The following EPHA6 variants were observed in gnomAD, a reference collection of about 807,000 sequenced individuals.
EPHA6 encodes ephrin type-A receptor 6.
A neutral mutation model predicts 112.0 loss-of-function variants in EPHA6; 50 were observed. That is an observed-to-expected ratio of 0.45 (90% CI 0.36 to 0.56). The LOEUF is 0.56. Among genes scored for constraint, EPHA6 ranks in the 20% least tolerant of loss-of-function variants. The pLI, the probability that EPHA6 is intolerant of heterozygous loss-of-function variation, is 0.00. For synonymous variants in EPHA6, 529 were observed against 490.7 expected, an observed-to-expected ratio of 1.08 and a Z score of -1.03; for missense variants, 1,280 against 1,417.4, an observed-to-expected ratio of 0.90 and a Z score of 1.56.
chr3:97,256,014 A>G (rs2079298968), intron 5 of EPHA6, among the ~76,000 whole-genome samples: 1 of 152,110 alleles, frequency 6.6e-6, no homozygotes, highest in Non-Finnish European at 1.5e-5. Context: ...AAAAACAATC[A>G]AAATGCATTA....
intron 3 of EPHA6, among the ~76,000 whole-genome samples, chr3:97,000,953 A>T (rs992989617): frequency 7.0e-6 from 1 of 143,090 alleles, no homozygotes; most frequent in Non-Finnish European, 1.5e-5. Context: ...TTTTGATCTG[A>T]AAGATTAAAG....
intron 5 of EPHA6, among the ~76,000 whole-genome samples, chr3:97,323,200 G>T (rs1015261652): frequency 4.0e-5 from 6 of 151,098 alleles, no homozygotes; most frequent in East Asian, 3.9e-4. Flanking sequence ...TAATGAACTG[G>T]TTTTTTTTTA....
intron 1 of EPHA6, among the ~76,000 whole-genome samples, chr3:96,836,169 C>A (rs2034397664): frequency 6.6e-6 from 1 of 152,070 alleles, no homozygotes; most frequent in African/African-American, 2.4e-5. Flanking sequence ...ATCACAAAAT[C>A]ACTTTTCTTG....
At chr3:97,533,225 T>C (rs2092715495) in intron 11 of EPHA6, among the ~76,000 whole-genome samples, 1 of 152,054 alleles carries the variant, frequency 6.6e-6, no homozygotes, top group African/African-American at 2.4e-5. Context: ...CACTAAGAAT[T>C]ATTATATATA....
rs371524293 is a variant in EPHA6, at chr3:96,814,598, C to T, written c.-26C>T. ...CTCTCTCCGGCCCAAGTGAATAGTC[C>T]TCGCGCAAGCGGGACACTGTGGTGG... On this transcript the variant is annotated 5_prime_UTR_variant, in exon 1 of 18. Coordinates refer to ENST00000389672, the MANE Select transcript of EPHA6 (RefSeq NM_001080448.3). The T allele has an allele frequency of 3.6e-6, 5 of 1,378,148 alleles. No individual in the cohort carries two copies. Among genetic ancestry groups the T allele is most frequent in the Non-Finnish European group, 4.7e-6 (5 of 1,063,672 alleles). 85.4% of individuals were successfully genotyped at this position (1,378,148 alleles called of 1,614,324 possible). A position where few individuals can be genotyped will look rare whatever the true frequency, so the allele number is the denominator to read the frequency against.
chr3:96,825,599 A>G (rs982369749), intron 1 of EPHA6, among the ~76,000 whole-genome samples: 14 of 151,792 alleles, frequency 9.2e-5, no homozygotes, highest in African/African-American at 3.4e-4. Context: ...TTTAATATTT[A>G]TCTTTAGAAA....
At chr3:96,893,554 C>T (rs1051031460) in intron 2 of EPHA6, among the ~76,000 whole-genome samples, 11 of 152,260 alleles carry the variant, frequency 7.2e-5, no homozygotes, top group Non-Finnish European at 1.3e-4. Context: ...TTATTGCACA[C>T]CAGTCAGGCG....
intron 5 of EPHA6, among the ~76,000 whole-genome samples, chr3:97,337,732 C>G (rs1306937602): frequency 6.6e-6 from 1 of 152,060 alleles, no homozygotes; most frequent in Non-Finnish European, 1.5e-5. Context: ...AAAGCTGTAT[C>G]CTCTAATAGG....
At chr3:97,670,514 G>C (rs2030702586) in intron 14 of EPHA6, among the ~76,000 whole-genome samples, 1 of 152,024 alleles carries the variant, frequency 6.6e-6, no homozygotes, top group African/African-American at 2.4e-5. Context: ...CCAAACCCAG[G>C]CTAACCTGTT....
At chr3:97,581,622 T>A (rs1012260344) in intron 11 of EPHA6, among the ~76,000 whole-genome samples, 5 of 152,260 alleles carry the variant, frequency 3.3e-5, no homozygotes, top group Admixed American at 3.3e-4. Context: ...TTTTGTATAA[T>A]TGTCCTCATA....
At chr3:97,034,271 A>G (rs2044996673) in intron 3 of EPHA6, among the ~76,000 whole-genome samples, 1 of 151,936 alleles carries the variant, frequency 6.6e-6, no homozygotes, top group Non-Finnish European at 1.5e-5. Context: ...GATCTTAGTG[A>G]TGAATTTTGT....
intron 14 of EPHA6, among the ~76,000 whole-genome samples, chr3:97,709,337 A>G (rs1398148918): frequency 6.6e-6 from 1 of 152,156 alleles, no homozygotes; most frequent in Non-Finnish European, 1.5e-5. Flanking sequence ...CTTTAAATTT[A>G]ATGACTGCCC....
chr3:97,686,220 G>A (rs2032239613), intron 14 of EPHA6, among the ~76,000 whole-genome samples: 1 of 152,156 alleles, frequency 6.6e-6, no homozygotes, highest in South Asian at 2.1e-4. Flanking sequence ...ACTAACTGGA[G>A]TTAGGAATTA....
chr3:96,986,427 C>T (rs1225613439), intron 2 of EPHA6, among the ~76,000 whole-genome samples: 1 of 152,032 alleles, frequency 6.6e-6, no homozygotes, highest in Admixed American at 6.6e-5. Flanking sequence ...TTTCAGTGCC[C>T]ACTTATGCTC....
At chr3:97,195,396 C>CT (rs1268411334) in intron 3 of EPHA6, among the ~76,000 whole-genome samples, 7 of 66,794 alleles carry the variant, frequency 1.0e-4, no homozygotes, top group Non-Finnish European at 1.6e-4. Flanking sequence ...TTAACTTCAT[C>CT]CCAGCCCTTT....
chr3:97,486,716 A>G (rs2091708233), intron 10 of EPHA6, among the ~76,000 whole-genome samples: 1 of 152,160 alleles, frequency 6.6e-6, no homozygotes, highest in Non-Finnish European at 1.5e-5. Flanking sequence ...TTAAGTTTCC[A>G]GTGTGTGCAC....
chr3:97,555,499 C>T (rs1231766666), intron 11 of EPHA6, among the ~76,000 whole-genome samples: 1 of 152,102 alleles, frequency 6.6e-6, no homozygotes, highest in Non-Finnish European at 1.5e-5. Flanking sequence ...CCTGAGGAAT[C>T]GCCACACTGA....
Position 97,042,769 on chromosome 3 carries a change from A to G in EPHA6, c.1114+54776A>G, listed in dbSNP as rs554876176. On this transcript the variant is annotated intron_variant, in intron 3 of 17. Transcript: ENST00000389672. Reference sequence around the variant, plus strand: ...GCTATGAGTAGAAGAGCATACACTTAGCTCCATCCATATCAGAGCAAGAAG... The same window carrying G: ...GCTATGAGTAGAAGAGCATACACTTGGCTCCATCCATATCAGAGCAAGAAG... 2.0e-5 allele frequency among the ~76,000 whole-genome samples: 3 copies of G among 152,232 alleles called. No individual in the cohort carries two copies. In the South Asian group the frequency reaches 6.2e-4, roughly 32 times the overall value.
intron 14 of EPHA6, among the ~76,000 whole-genome samples, chr3:97,658,931 C>A (rs534472028): frequency 2.6e-4 from 39 of 151,956 alleles, no homozygotes; most frequent in African/African-American, 9.2e-4. Flanking sequence ...CAGGGAAGAG[C>A]AATTTTGATT....
Sources: allele counts gnomAD v4.1 joint callset (sites outside exome capture counted in the v4.1 genomes callset), GRCh38; gene constraint gnomAD v4.1.1; transcripts MANE v1.5; gene names NCBI Gene and HGNC (gene_info 2026-07-23, HGNC 2026-07-21).